CHCHD6: variants seen among roughly 807,000 people sequenced by gnomAD.
CHCHD6 encodes coiled-coil-helix-coiled-coil-helix domain containing 6.
A neutral mutation model predicts 32.3 loss-of-function variants in CHCHD6; 28 were observed. The ratio of observed to expected loss-of-function variants is 0.87; its 90% confidence interval spans 0.64 to 1.19. CHCHD6 has a LOEUF of 1.19. Among genes scored for constraint, CHCHD6 ranks in the 50% most tolerant of loss-of-function variants. The probability of loss-of-function intolerance (pLI) is 0.00; values close to 1 mark genes in which losing one functional copy is unlikely to be tolerated. For missense variants in CHCHD6, 333 were observed against 307.0 expected, an observed-to-expected ratio of 1.08 and a Z score of -0.63; for synonymous variants, 122 against 117.5, an observed-to-expected ratio of 1.04 and a Z score of -0.25.
chr3:126,797,821 G>A (rs974441413), intron 4 of CHCHD6, among the ~76,000 whole-genome samples: 7 of 152,044 alleles, frequency 4.6e-5, no homozygotes, highest in Admixed American at 1.3e-4. Flanking sequence ...TCTGCCACTC[G>A]GTGTGGTGTG....
At chr3:126,727,225 C>G (rs1935575763) in intron 2 of CHCHD6, 39 bp downstream of exon 2, 2 of 1,457,802 alleles carry the variant, frequency 1.4e-6, no homozygotes, top group Non-Finnish European at 1.9e-6. Context: ...TGTGGAGAGA[C>G]AGTGAAAGGA....
At chr3:126,862,334 T>C (rs1053292787) in intron 5 of CHCHD6, among the ~76,000 whole-genome samples, 64 of 42,274 alleles carry the variant, frequency 1.5e-3, no homozygotes, top group African/African-American at 2.2e-3. Context: ...TCCTCCACCA[T>C]CACCTCCTCC....
chr3:126,960,348 A>G lies in CHCHD6; in HGVS notation c.*147A>G. The G allele has an allele frequency of 1.2e-6, 1 of 866,128 alleles. No individual in the cohort carries two copies. Among genetic ancestry groups the G allele is most frequent in the Non-Finnish European group, 1.8e-6 (1 of 542,192 alleles). The allele number at this position is 866,128 out of a possible 1,614,324, so 53.7% of individuals were successfully genotyped here. A position where few individuals can be genotyped will look rare whatever the true frequency, so the allele number is the denominator to read the frequency against. On this transcript the variant is annotated 3_prime_UTR_variant, in exon 8 of 8. Transcript: ENST00000290913. ...TGGGGCTGCCACGTGTTTAGGAAAC[A>G]AAGTATGCGCTACTGTCTGAAAACA...
chr3:126,836,435 C>A (rs1940864662), intron 4 of CHCHD6, among the ~76,000 whole-genome samples: 1 of 152,214 alleles, frequency 6.6e-6, no homozygotes, highest in African/African-American at 2.4e-5. Flanking sequence ...TGAGTCCTCA[C>A]CCCTGCCTCT....
At chr3:126,711,723 G>A (rs961394337) in intron 1 of CHCHD6, among the ~76,000 whole-genome samples, 18 of 152,186 alleles carry the variant, frequency 1.2e-4, no homozygotes, top group Admixed American at 1.2e-3. Flanking sequence ...ATCGTCTCTG[G>A]TCTTCCACAG....
chr3:126,726,668 AGATACC>A (rs1935550662), intron 1 of CHCHD6, among the ~76,000 whole-genome samples: 1 of 152,214 alleles, frequency 6.6e-6, no homozygotes, highest in African/African-American at 2.4e-5. Flanking sequence ...GGGGACATTG[AGATACC>A]TCCAAAGAAA....
intron 4 of CHCHD6, among the ~76,000 whole-genome samples, chr3:126,817,790 T>C (rs1310597695): frequency 6.6e-6 from 1 of 152,196 alleles, no homozygotes; most frequent in African/African-American, 2.4e-5. Context: ...CCCAGGACTG[T>C]GGTGTCTCTG....
chr3:126,705,002 T>C (rs1008718163), intron 1 of CHCHD6, among the ~76,000 whole-genome samples: 5 of 152,104 alleles, frequency 3.3e-5, no homozygotes, highest in African/African-American at 1.2e-4. Context: ...TCGTGCCATT[T>C]CCCTCGCGTG....
chr3:126,775,405 C>A (rs1238148876), intron 4 of CHCHD6, among the ~76,000 whole-genome samples: 1 of 152,130 alleles, frequency 6.6e-6, no homozygotes, highest in Non-Finnish European at 1.5e-5. Flanking sequence ...ATTGCCTCTT[C>A]ATGTCCCGAG....
At chr3:126,815,656 C>CCA (rs1491306665) in intron 4 of CHCHD6, among the ~76,000 whole-genome samples, 11 of 117,318 alleles carry the variant, frequency 9.4e-5, no homozygotes, top group Non-Finnish European at 1.3e-4. Flanking sequence ...CCCCCCCCCC[C>CCA]ATCTGTGTCC....
At chr3:126,908,484 G>A (rs1248897423) in intron 5 of CHCHD6, among the ~76,000 whole-genome samples, 1 of 152,246 alleles carries the variant, frequency 6.6e-6, no homozygotes, top group Non-Finnish European at 1.5e-5. Context: ...ATATTCTTAA[G>A]TGGGATCATC....
At chr3:126,957,361 C>T (rs1264593934) in intron 6 of CHCHD6, 55 bp from the exon 7 acceptor site, 1 of 1,585,428 alleles carries the variant, frequency 6.3e-7, no homozygotes, top group Non-Finnish European at 8.6e-7. Context: ...AGTTGTTTCT[C>T]TCCCCTGCCT....
At chr3:126,952,016 T>G (rs1422354232) in intron 6 of CHCHD6, among the ~76,000 whole-genome samples, 2 of 152,242 alleles carry the variant, frequency 1.3e-5, no homozygotes, top group African/African-American at 4.8e-5. Context: ...GTGGGCCTGC[T>G]TGGGATTAAA....
intron 2 of CHCHD6, among the ~76,000 whole-genome samples, chr3:126,729,312 A>G (rs1935675539): frequency 6.6e-6 from 1 of 152,142 alleles, no homozygotes; most frequent in Admixed American, 6.5e-5. Flanking sequence ...AGATGGCCAT[A>G]CTCATGACAG....
At chr3:126,856,805 G>T (rs1941680797) in intron 5 of CHCHD6, among the ~76,000 whole-genome samples, 1 of 152,148 alleles carries the variant, frequency 6.6e-6, no homozygotes, top group Admixed American at 6.5e-5. Context: ...GAGTAGGGTG[G>T]TAGGGATGAG....
chr3:126,849,165 G>A (rs958151650), intron 4 of CHCHD6, among the ~76,000 whole-genome samples: 4 of 152,328 alleles, frequency 2.6e-5, no homozygotes, highest in South Asian at 4.1e-4. Context: ...TTTTATATCA[G>A]CTTCTTATTT....
At chr3:126,720,998 G>A (rs1343066868) in intron 1 of CHCHD6, among the ~76,000 whole-genome samples, 1 of 152,168 alleles carries the variant, frequency 6.6e-6, no homozygotes, top group African/African-American at 2.4e-5. Context: ...CGGATCTGCT[G>A]CCTTCTTAGA....
chr3:126,882,022 T>A (rs2077617348), intron 5 of CHCHD6, among the ~76,000 whole-genome samples: 1 of 152,208 alleles, frequency 6.6e-6, no homozygotes, highest in African/African-American at 2.4e-5. Flanking sequence ...AGTTCAGATG[T>A]CCTTTGTAGA....
chr3:126,748,429 T>C (rs765648251), intron 4 of CHCHD6, among the ~76,000 whole-genome samples: 6 of 152,004 alleles, frequency 3.9e-5, no homozygotes, highest in Non-Finnish European at 8.8e-5. Flanking sequence ...ACCCCATCTC[T>C]ACTAAAAATA....
Sources: allele counts gnomAD v4.1 joint callset (sites outside exome capture counted in the v4.1 genomes callset), GRCh38; gene constraint gnomAD v4.1.1; transcripts MANE v1.5; gene names NCBI Gene and HGNC (gene_info 2026-07-23, HGNC 2026-07-21).